Variants in ADAMTS2 observed in about 807,000 individuals in gnomAD.
ADAMTS2 encodes A disintegrin and metalloproteinase with thrombospondin motifs 2.
Under a neutral mutation model 123.0 loss-of-function variants are expected in ADAMTS2, and 50 were observed. That is an observed-to-expected ratio of 0.41 (90% CI 0.32 to 0.51). The LOEUF is 0.51. Ranked by LOEUF, ADAMTS2 falls within the 20% of genes least tolerant of loss-of-function variation. ADAMTS2 has a pLI of 0.35. For synonymous variants in ADAMTS2, 678 were observed against 695.4 expected, an observed-to-expected ratio of 0.98 and a Z score of 0.39; for missense variants, 1,494 against 1,705.2, an observed-to-expected ratio of 0.88 and a Z score of 2.18.
At chr5:179,137,609 G>A (rs1261476566) in intron 12 of ADAMTS2, among the ~76,000 whole-genome samples, 160 bp downstream of exon 12, 1 of 152,232 alleles carries the variant, frequency 6.6e-6, no homozygotes, top group Non-Finnish European at 1.5e-5. Flanking sequence ...GCCCCACCCA[G>A]GAGTGGGCCA....
chr5:179,274,987 G>A (rs775083495), intron 2 of ADAMTS2, among the ~76,000 whole-genome samples: 8 of 152,308 alleles, frequency 5.3e-5, no homozygotes, highest in African/African-American at 9.6e-5. Context: ...GGGGGAAACC[G>A]CACATGCCAT....
Position 179,158,430 on chromosome 5 carries a change from A to G in ADAMTS2, c.1132+293T>C, listed in dbSNP as rs1763527729. Among the ~76,000 whole-genome samples the G allele has an allele frequency of 6.6e-6, 1 of 152,094 alleles. No individual in the cohort carries two copies. Among genetic ancestry groups the G allele is most frequent in the Non-Finnish European group, 1.5e-5 (1 of 68,010 alleles). On this transcript the variant is annotated intron_variant, in intron 6 of 21. Coordinates refer to ENST00000251582, the MANE Select transcript of ADAMTS2 (RefSeq NM_014244.5). This position sits in a 1 kb window ranked among gnomAD's most constrained non-coding sequence, Gnocchi z 5.0. ...GGTGACAGGCCTCCTTTCTTTCCAA[A>G]TTGGCCCCACACCATTTGTTAGGCT...
At chr5:179,124,815 G>A (rs1302979680) in intron 19 of ADAMTS2, among the ~76,000 whole-genome samples, 158 bp downstream of exon 19, 8 of 151,902 alleles carry the variant, frequency 5.3e-5, no homozygotes, top group Admixed American at 4.6e-4. Flanking sequence ...GCTGCTGCAG[G>A]CCCGGCGGCT....
At chr5:179,142,728 C>T (rs1208112511) in intron 10 of ADAMTS2, among the ~76,000 whole-genome samples, 1 of 152,194 alleles carries the variant, frequency 6.6e-6, no homozygotes, top group Non-Finnish European at 1.5e-5. Context: ...ATGACCAAGG[C>T]TGTGACCTCT....
At position 179,170,005 on chromosome 5, in the gene ADAMTS2, C is replaced by G. The variant is rs1467881526; in HGVS notation, c.975+11067G>C. The stretch of plus-strand genomic sequence containing the variant: ...CAGTTGAGTAGCTTTGGTACCTTCT[C>G]AAAAAATCAATTGAAAAGCCAGTTG... On this transcript the variant is annotated intron_variant, in intron 5 of 21. Coordinates refer to ENST00000251582, the MANE Select transcript of ADAMTS2 (RefSeq NM_014244.5). The surrounding 1 kb of genome is among the most constrained non-coding windows in gnomAD (Gnocchi z 4.3). 6.6e-6 allele frequency among the ~76,000 whole-genome samples: 1 copy of G among 152,184 alleles called. No homozygotes were observed. Among genetic ancestry groups the G allele is most frequent in the Admixed American group, 6.6e-5 (1 of 15,266 alleles).
rs1022546535 is a variant in ADAMTS2 at position 179,168,585 on chromosome 5, G to A, written c.976-9706C>T. ...AAGCTCTACAAACAGTCACTTGCAC[G>A]AACGCCTTTATGATTGTCGTCATTC... On this transcript the variant is annotated intron_variant, in intron 5 of 21. Coordinates refer to ENST00000251582, the MANE Select transcript of ADAMTS2 (RefSeq NM_014244.5). 2.0e-5 allele frequency among the ~76,000 whole-genome samples: 3 copies of A among 152,230 alleles called. No homozygotes were observed. The East Asian group carries it at 5.8e-4, about 29-fold the overall frequency.
intron 3 of ADAMTS2, among the ~76,000 whole-genome samples, chr5:179,223,503 C>G (rs1305772550): frequency 6.7e-6 from 1 of 150,260 alleles, no homozygotes; most frequent in Non-Finnish European, 1.5e-5. Flanking sequence ...CTCACATGCA[C>G]ACTCATACGA....
At chr5:179,195,666 C>T (rs971499988) in intron 4 of ADAMTS2, among the ~76,000 whole-genome samples, 24 of 152,356 alleles carry the variant, frequency 1.6e-4, no homozygotes, top group Middle Eastern at 3.4e-3. Flanking sequence ...CTGGGCCCCT[C>T]GGGCCTGGCT....
At chr5:179,245,796 CAA>C (rs796076369) in intron 3 of ADAMTS2, among the ~76,000 whole-genome samples, 2 of 73,784 alleles carry the variant, frequency 2.7e-5, no homozygotes, top group African/African-American at 1.0e-4. Flanking sequence ...AAAAAAAAAA[CAA>C]AAAAAACAAA....
intron 2 of ADAMTS2, among the ~76,000 whole-genome samples, chr5:179,310,807 C>T (rs1473235838): frequency 6.6e-6 from 1 of 152,148 alleles, no homozygotes; most frequent in Non-Finnish European, 1.5e-5. Flanking sequence ...CCTGGGGACG[C>T]AGAGGCATCA....
At chr5:179,116,264 C>CT (rs1762657447) in intron 21 of ADAMTS2, among the ~76,000 whole-genome samples, 1 of 121,158 alleles carries the variant, frequency 8.3e-6, no homozygotes, top group African/African-American at 3.0e-5. Context: ...CACGGCACCC[C>CT]CCCCCCACCC....
At chr5:179,184,969 G>A (rs1321385005) in intron 4 of ADAMTS2, among the ~76,000 whole-genome samples, 2 of 152,192 alleles carry the variant, frequency 1.3e-5, no homozygotes, top group Admixed American at 6.5e-5. Flanking sequence ...GGCATGTCAT[G>A]AGACCTGAGA....
At chr5:179,122,855 A>G (rs990009412) in intron 19 of ADAMTS2, 82 bp from the exon 20 acceptor site, 116 of 1,541,460 alleles carry the variant, frequency 7.5e-5, no homozygotes, top group Non-Finnish European at 1.0e-4. Context: ...CACAGTCCCC[A>G]GGCACATGAC....
chr5:179,302,378 TC>T (rs1756551743), intron 2 of ADAMTS2, among the ~76,000 whole-genome samples: 1 of 44,092 alleles, frequency 2.3e-5, no homozygotes, highest in African/African-American at 1.2e-4. Context: ...CAAGACCGTC[TC>T]AAAAAAAAAA....
chr5:179,217,156 C>G (rs1765001762), intron 3 of ADAMTS2, among the ~76,000 whole-genome samples: 1 of 152,162 alleles, frequency 6.6e-6, no homozygotes, highest in Non-Finnish European at 1.5e-5. Context: ...AGAGGAGAAG[C>G]AAATGTGGTG....
At chr5:179,163,615 G>T (rs922866998) in intron 5 of ADAMTS2, among the ~76,000 whole-genome samples, 1 of 152,192 alleles carries the variant, frequency 6.6e-6, no homozygotes, top group African/African-American at 2.4e-5. Flanking sequence ...ACGTCCTGCA[G>T]ACTGGATCCA....
At chr5:179,133,118 C>T (rs1762994557) in intron 13 of ADAMTS2, among the ~76,000 whole-genome samples, 1 of 152,080 alleles carries the variant, frequency 6.6e-6, no homozygotes. Flanking sequence ...CGGACCTTGC[C>T]TGCCACCTAC....
At position 179,129,878 on chromosome 5, in the gene ADAMTS2, C is replaced by T; in HGVS notation, c.2457+54G>A. On this transcript the variant is annotated intron_variant, in intron 16 of 21. Coordinates refer to ENST00000251582, the MANE Select transcript of ADAMTS2 (RefSeq NM_014244.5). This position sits in a 1 kb window ranked among gnomAD's most constrained non-coding sequence, Gnocchi z 4.1. Reference sequence around the variant, plus strand: ...CTCAGCGTCCCAGGCACCCCCATCCCTCCCCCAGTGGCCACCCGCACCCTT... The same window carrying T: ...CTCAGCGTCCCAGGCACCCCCATCCTTCCCCCAGTGGCCACCCGCACCCTT... The T allele has an allele frequency of 6.2e-7, 1 of 1,608,284 alleles. No homozygotes were observed. The highest frequency in any genetic ancestry group is 8.5e-7 in the Non-Finnish European group (1 of 1,177,734).
rs1318217135 is a variant in ADAMTS2, at chr5:179,314,269, G to A, written c.534+29498C>T. On this transcript the variant is annotated intron_variant, in intron 2 of 21. Transcript: ENST00000251582. This position sits in a 1 kb window ranked among gnomAD's most constrained non-coding sequence, Gnocchi z 4.5. ...CCTGTCCTTGTCTTGCTCAGCTCGG[G>A]GGAAGCACCTCTCGCCAGCCATCTG... Among the ~76,000 whole-genome samples, 5 of 152,210 alleles carry A rather than the reference G, an allele frequency of 3.3e-5. No individual in the cohort carries two copies. Among genetic ancestry groups the A allele is most frequent in the African/African-American group, 7.2e-5 (3 of 41,446 alleles).
Sources: gnomAD v4.1 joint callset for allele counts (sites outside exome capture counted in the v4.1 genomes callset) on GRCh38, gnomAD v4.1.1 for gene constraint, Gnocchi (gnomAD v3.1) non-coding constraint, MANE v1.5 for transcripts, NCBI Gene and HGNC (gene_info 2026-07-23, HGNC 2026-07-21) for gene names.